PXK: variants seen among roughly 807,000 people sequenced by gnomAD.
PXK encodes PX domain-containing protein kinase-like protein.
In PXK, 35 loss-of-function variants were observed where a neutral mutation model predicts 84.7. The observed-to-expected ratio is 0.41, with a 90% CI of 0.32 to 0.55. PXK has a LOEUF of 0.55. PXK is among the 20% of genes least tolerant of loss of function. The probability of loss-of-function intolerance (pLI) is 0.21; values close to 1 mark genes in which losing one functional copy is unlikely to be tolerated. For missense variants in PXK, 634 were observed against 699.7 expected (o/e 0.91, Z 1.06); for synonymous variants, 253 against 260.8 (o/e 0.97, Z 0.29).
chr3:58,374,736 T>C (rs1411970381), intron 3 of PXK, among the ~76,000 whole-genome samples: 1 of 152,242 alleles, frequency 6.6e-6, no homozygotes, highest in African/African-American at 2.4e-5. Context: ...CCATTGGAAT[T>C]CTAAATTTTC....
intron 12 of PXK, among the ~76,000 whole-genome samples, chr3:58,402,515 C>T (rs1453911296): frequency 6.6e-6 from 1 of 151,064 alleles, no homozygotes; most frequent in East Asian, 2.0e-4. Context: ...CTGCAAGCTC[C>T]GCCTCCCGGG....
At chr3:58,377,224 C>G (rs1195205005) in intron 3 of PXK, among the ~76,000 whole-genome samples, 1 of 151,668 alleles carries the variant, frequency 6.6e-6, no homozygotes. Context: ...ATCCGCCAAC[C>G]TTTTCATCTT....
chr3:58,414,004 C>G lies in PXK; in HGVS notation c.1528+1041C>G, dbSNP rs184518800. On this transcript the variant is annotated intron_variant, in intron 17 of 17. Coordinates refer to ENST00000356151, the MANE Select transcript of PXK (RefSeq NM_017771.5). The surrounding 1 kb of genome is among the most constrained non-coding windows in gnomAD (Gnocchi z 4.5). The stretch of plus-strand genomic sequence containing the variant: ...TACTGGTGCCTTACTGCTGAATGTT[C>G]TAGGGCCTGTTTTGGGTAGCAAAGT... The G allele has an allele frequency of 3.2e-4, 48 of 152,306 alleles. No individual in the cohort carries two copies. Among genetic ancestry groups the G allele is most frequent in the African/African-American group, 1.1e-3 (47 of 41,550 alleles). The allele number at this position is 152,306 out of a possible 1,614,324, so 9.4% of individuals were successfully genotyped here. A position where few individuals can be genotyped will look rare whatever the true frequency, so the allele number is the denominator to read the frequency against.
intron 17 of PXK, among the ~76,000 whole-genome samples, chr3:58,420,176 C>T (rs2061605384): frequency 1.3e-5 from 2 of 152,252 alleles, no homozygotes; most frequent in African/African-American, 4.8e-5. Flanking sequence ...ATCCATTCTG[C>T]TCTTCAGAGG....
At chr3:58,376,822 T>C (rs887686056) in intron 3 of PXK, among the ~76,000 whole-genome samples, 1 of 151,158 alleles carries the variant, frequency 6.6e-6, no homozygotes, top group South Asian at 2.1e-4. Flanking sequence ...GTATTTTTAG[T>C]AGAGATGGGG....
At chr3:58,336,072 T>TATATATATATATATATA (rs58493068) in intron 1 of PXK, among the ~76,000 whole-genome samples, 14 of 30,954 alleles carry the variant, frequency 4.5e-4, no homozygotes, top group South Asian at 1.5e-3. Flanking sequence ...TATATATATA[T>TATATATATATATATATA]TTTTTTTTTT....
chr3:58,391,228 A>G lies in PXK; in HGVS notation c.540+8A>G. The G allele has an allele frequency of 1.2e-6, 2 of 1,610,320 alleles. No individual in the cohort carries two copies. The highest frequency in any genetic ancestry group is 1.7e-4 in the Middle Eastern group (1 of 6,056). On this transcript the variant is annotated splice_region_variant and intron_variant, in intron 6 of 17. Transcript: ENST00000356151. The stretch of plus-strand genomic sequence containing the variant: ...CGGCTAGTGTTAAGCTGGGTAAGCT[A>G]GCTTTTTGCTTTGGTCTCCTTCAGT...
intron 3 of PXK, 118 bp downstream of exon 3, chr3:58,369,596 C>A (rs747015985): frequency 4.2e-6 from 3 of 716,810 alleles, no homozygotes; most frequent in Admixed American, 2.3e-5. Context: ...GAGGCCAATG[C>A]GGGTGGATCA....
At position 58,421,736 on chromosome 3, in the gene PXK, C is replaced by T. The variant is rs1305802060; in HGVS notation, c.1529-3016C>T. 1.0e-5 allele frequency: 10 copies of T among 985,248 alleles called. No homozygotes were observed. The highest frequency in any genetic ancestry group is 4.7e-5 in the South Asian group (1 of 21,280). 61.0% of individuals were successfully genotyped at this position (985,248 alleles called of 1,614,324 possible). ...GGCCTCTGCTGGACTGCCAGGTTCC[C>T]GTGTGGTTTGGTGGAGAAGATTTTG... On this transcript the variant is annotated intron_variant, in intron 17 of 17. Coordinates refer to ENST00000356151, the MANE Select transcript of PXK (RefSeq NM_017771.5). This position sits in a 1 kb window ranked among gnomAD's most constrained non-coding sequence, Gnocchi z 5.5.
At chr3:58,361,295 CA>C (rs149879171) in intron 1 of PXK, among the ~76,000 whole-genome samples, 2,468 of 64,752 alleles carry the variant, frequency 0.038, 29 homozygotes, top group African/African-American at 0.11. Context: ...GACTCTGTCT[CA>C]AAAAAAAAAA....
chr3:58,378,036 G>T (rs769952116), intron 3 of PXK, among the ~76,000 whole-genome samples: 12 of 152,200 alleles, frequency 7.9e-5, no homozygotes, highest in South Asian at 2.1e-4. Flanking sequence ...TACAACTTAT[G>T]CCTGCCCTCC....
chr3:58,415,260 G>C (rs997793608), intron 17 of PXK, among the ~76,000 whole-genome samples: 1 of 152,124 alleles, frequency 6.6e-6, no homozygotes, highest in Non-Finnish European at 1.5e-5. Flanking sequence ...TGGAGATAGC[G>C]TCAGACCCCA....
rs1005456920 is a variant in PXK, at chr3:58,401,180, A to T, written c.1181+1803A>T. On this transcript the variant is annotated intron_variant, in intron 12 of 17. Transcript: ENST00000356151. The surrounding 1 kb of genome is among the most constrained non-coding windows in gnomAD (Gnocchi z 4.4). Reference sequence around the variant, plus strand: ...TCAGCTATGAGAAGAGCTCCTGGACAGGCGTAAACCATGTTCAATTAAAAT... The same window carrying T: ...TCAGCTATGAGAAGAGCTCCTGGACTGGCGTAAACCATGTTCAATTAAAAT... Among the ~76,000 whole-genome samples, 2 of 152,190 alleles carry T rather than the reference A, an allele frequency of 1.3e-5. No individual in the cohort carries two copies. Among genetic ancestry groups the T allele is most frequent in the Non-Finnish European group, 2.9e-5 (2 of 68,032 alleles).
At chr3:58,336,069 A>T (rs1453949790) in intron 1 of PXK, among the ~76,000 whole-genome samples, 66 of 56,594 alleles carry the variant, frequency 1.2e-3, no homozygotes, top group African/African-American at 3.3e-3. Flanking sequence ...ATATATATAT[A>T]TATTTTTTTT....
In PXK at chr3:58,383,260, C is replaced by G. The variant is rs2098521771; in HGVS notation, c.388+560C>G. On this transcript the variant is annotated intron_variant, in intron 4 of 17. Transcript: ENST00000356151. This position sits in a 1 kb window ranked among gnomAD's most constrained non-coding sequence, Gnocchi z 4.0. ...TGAGCCGAGATAGCACCACTGCACT[C>G]TAGCCTAGGCAACAGAGCAAGACTC... Among the ~76,000 whole-genome samples, 1 of 152,140 alleles carries G rather than the reference C, an allele frequency of 6.6e-6. No homozygotes were observed. The highest frequency in any genetic ancestry group is 2.4e-5 in the African/African-American group (1 of 41,426).
At chr3:58,410,215 C>T in intron 16 of PXK, 56 bp downstream of exon 16, 1 of 1,355,592 alleles carries the variant, frequency 7.4e-7, no homozygotes, top group South Asian at 1.2e-5. Context: ...GATCAGGAGT[C>T]TCTAGTTGGT....
At chr3:58,392,911 C>T (rs1396873826) in intron 7 of PXK, among the ~76,000 whole-genome samples, 3 of 151,978 alleles carry the variant, frequency 2.0e-5, no homozygotes, top group Admixed American at 6.6e-5. Context: ...CCGCCTGCCT[C>T]GACTTCCCAA....
Position 58,382,614 on chromosome 3 carries a change from A to G in PXK, c.302A>G (p.Asn101Ser), listed in dbSNP as rs144000489. 23 of 1,607,494 alleles carry G rather than the reference A, an allele frequency of 1.4e-5. No homozygotes were observed. The highest frequency in any genetic ancestry group is 7.8e-5 in the South Asian group (7 of 89,448). ...ERQKGLQNYL[N>S]VITTNHILSN... ...CAGAAAGGTCTTCAGAACTATCTCA[A>G]CGTGATCACAACAAATCATATCTTG... Residue 101 changes from asparagine (N) to serine (S), a missense_variant, in exon 4 of 18, where the codon AAC (asparagine) becomes AGC (serine). Transcript: ENST00000356151.
intron 1 of PXK, among the ~76,000 whole-genome samples, chr3:58,339,528 C>G (rs1015282796): frequency 6.6e-6 from 1 of 152,090 alleles, no homozygotes; most frequent in African/African-American, 2.4e-5. Flanking sequence ...CCGTGCCCAG[C>G]CAGAAGTTGG....
Sources: gnomAD v4.1 joint callset for allele counts (sites outside exome capture counted in the v4.1 genomes callset) on GRCh38, gnomAD v4.1.1 for gene constraint, Gnocchi (gnomAD v3.1) non-coding constraint, MANE v1.5 for transcripts, NCBI Gene and HGNC (gene_info 2026-07-23, HGNC 2026-07-21) for gene names.